COL20A1: variants seen among roughly 807,000 people sequenced by gnomAD.
COL20A1 encodes collagen alpha-1(XX) chain.
COL20A1 carries 164 observed loss-of-function variants against 152.9 expected under a neutral mutation model. That is an observed-to-expected ratio of 1.07 (90% confidence interval 0.94 to 1.22). The LOEUF (loss-of-function observed/expected upper bound fraction) is 1.22. COL20A1 is among the 50% of genes most tolerant of loss of function. The pLI, the probability that COL20A1 is intolerant of heterozygous loss-of-function variation, is 0.00. For missense variants in COL20A1, 1,873 were observed against 1,744.8 expected (o/e 1.07, Z -1.31); for synonymous variants, 864 against 756.0 (o/e 1.14, Z -2.34).
Position 63,326,035 on chromosome 20 carries a change from C to T in COL20A1, c.3403-61C>T, listed in dbSNP as rs368286205. ...GTTGGGTGCTGCTGGGGGGCTGTCA[C>T]CATGGGAGGGCTGGGTACAGGTACA... On this transcript the variant is annotated intron_variant, in intron 29 of 35. Coordinates refer to ENST00000358894, the MANE Select transcript of COL20A1 (RefSeq NM_020882.4). The T allele has an allele frequency of 8.4e-5, 123 of 1,467,322 alleles. No homozygotes were observed. In the African/African-American group the frequency reaches 1.6e-3, roughly 19 times the overall value. 90.9% of individuals were successfully genotyped at this position (1,467,322 alleles called of 1,614,324 possible).
chr20:63,314,441 G>A (rs1176321000), intron 19 of COL20A1, among the ~76,000 whole-genome samples: 2 of 152,144 alleles, frequency 1.3e-5, no homozygotes, highest in African/African-American at 4.8e-5. Context: ...GGTCTTCCAC[G>A]GTGGGAGCTG....
Position 63,309,798 on chromosome 20 carries a change from C to A in COL20A1, c.1146C>A (p.Ser382Arg), listed in dbSNP as rs769946191. 2 of 1,606,186 alleles carry A rather than the reference C, an allele frequency of 1.2e-6. No individual in the cohort carries two copies. Among genetic ancestry groups the A allele is most frequent in the Non-Finnish European group, 1.7e-6 (2 of 1,177,162 alleles). Residue 382 changes from serine (S) to arginine (R), a missense_variant, in exon 10 of 36, where the codon AGC becomes AGA. Physicochemically the swap from Ser to Arg is moderately radical, Grantham distance 110. Coordinates refer to ENST00000358894, the MANE Select transcript of COL20A1 (RefSeq NM_020882.4). ...PALDTLPAPT[S>R]LVLSQVTSSS... ...TGGACACCCTCCCTGCCCCCACCAGCCTGGTCCTGAGCCAGGTGACCTCCT... is the reference window on the plus strand; with the variant it reads ...TGGACACCCTCCCTGCCCCCACCAGACTGGTCCTGAGCCAGGTGACCTCCT...
chr20:63,318,742 C>T (rs1165330758), intron 21 of COL20A1, among the ~76,000 whole-genome samples: 1 of 152,144 alleles, frequency 6.6e-6, no homozygotes, highest in Non-Finnish European at 1.5e-5. Flanking sequence ...TCTGTTGAAT[C>T]CTCCTCATTC....
In COL20A1 at chr20:63,332,624, T is replaced by TG. The variant is rs2068346680; in HGVS notation, c.*1910dup. The TG allele has an allele frequency of 6.6e-6, 1 of 152,240 alleles. No individual in the cohort carries two copies. Among genetic ancestry groups the TG allele is most frequent in the South Asian group, 2.1e-4 (1 of 4,830 alleles). The allele number at this position is 152,240 out of a possible 1,614,324, so 9.4% of individuals were successfully genotyped here. On this transcript the variant is annotated 3_prime_UTR_variant, in exon 36 of 36. Coordinates refer to ENST00000358894, the MANE Select transcript of COL20A1 (RefSeq NM_020882.4). ...CATTGGCAGCCAGGAGGAGGCAGCCTGGCCGGGGGGAACCAGGGTGGCTCT... is the reference window on the plus strand; with the variant it reads ...CATTGGCAGCCAGGAGGAGGCAGCCTGGGCCGGGGGGAACCAGGGTGGCTCT...
rs546278892 is a variant in COL20A1, at chr20:63,313,421, C to T, written c.2209+172C>T. ...TCTGCAGCACTTCCTTGAGCTCACA[C>T]GGGTATAGGTGTTCCCCCAGTGGCC... On this transcript the variant is annotated intron_variant, in intron 17 of 35. Coordinates refer to ENST00000358894, the MANE Select transcript of COL20A1 (RefSeq NM_020882.4). This position sits in a 1 kb window ranked among gnomAD's most constrained non-coding sequence, Gnocchi z 5.9. Among the ~76,000 whole-genome samples, 2 of 152,320 alleles carry T rather than the reference C, an allele frequency of 1.3e-5. No individual in the cohort carries two copies. The highest frequency in any genetic ancestry group is 2.9e-5 in the Non-Finnish European group (2 of 68,024).
At chr20:63,323,562 C>T (rs1237021294) in intron 27 of COL20A1, among the ~76,000 whole-genome samples, 1 of 152,212 alleles carries the variant, frequency 6.6e-6, no homozygotes, top group Non-Finnish European at 1.5e-5. Flanking sequence ...AGGACTCCAG[C>T]TTCACCTCTT....
chr20:63,303,375 A>T (rs541045689), intron 3 of COL20A1, among the ~76,000 whole-genome samples: 9 of 152,290 alleles, frequency 5.9e-5, no homozygotes, highest in African/African-American at 1.7e-4. Flanking sequence ...TTTATATTAA[A>T]TGTCATAAAA....
rs764326086 is a variant in COL20A1 at position 63,313,210 on chromosome 20, G to A, written c.2170G>A (p.Gly724Arg). The change falls in exon 17 of 36, where the codon GGG (glycine) becomes AGG (arginine). Residue 724 changes from glycine (G) to arginine (R), a missense_variant. By Grantham distance (125) the Gly-to-Arg change is moderately radical. Transcript: ENST00000358894. This position sits in a 1 kb window ranked among gnomAD's most constrained non-coding sequence, Gnocchi z 5.9. ...DVTILAYYRD[G>R]ARSDPVSLRY... is the part of the protein sequence containing the mutation. ...CACCATCTTGGCCTACTACAGGGAC[G>A]GGGCCCGCAGTGACCCTGTGTCCCT... 8.7e-6 allele frequency: 14 copies of A among 1,612,414 alleles called. No individual in the cohort carries two copies. The highest frequency in any genetic ancestry group is 2.2e-5 in the South Asian group (2 of 91,054).
chr20:63,308,744 C>T (rs1359718881), intron 8 of COL20A1, 38 bp downstream of exon 8: 3 of 1,527,152 alleles, frequency 2.0e-6, no homozygotes, highest in Non-Finnish European at 1.8e-6. Context: ...TGGAGTCTCA[C>T]CGCCGGGTGG....
At position 63,319,225 on chromosome 20, in the gene COL20A1, C is replaced by A; in HGVS notation, c.2806+25C>A. ...GGTGACGTGGGCCCCGCGTCGCCCC[C>A]AGCAGTCAGGAGGAGTAGGGGCAGG... On this transcript the variant is annotated intron_variant, in intron 22 of 35. Transcript: ENST00000358894. This position sits in a 1 kb window ranked among gnomAD's most constrained non-coding sequence, Gnocchi z 4.4. 1 of 1,606,152 alleles carries A rather than the reference C, an allele frequency of 6.2e-7. No homozygotes were observed. Among genetic ancestry groups the A allele is most frequent in the South Asian group, 1.1e-5 (1 of 90,026 alleles).
rs559969504 is a variant in COL20A1, at chr20:63,327,909, A to G, written c.3529-43A>G. The G allele has an allele frequency of 1.9e-6, 3 of 1,563,720 alleles. No individual in the cohort carries two copies. In the South Asian group the frequency reaches 3.5e-5, roughly 18 times the overall value. On this transcript the variant is annotated intron_variant, in intron 31 of 35. Transcript: ENST00000358894. ...TCTCACACTTGTCACGTGTGGTCTCAGGCCATCTCTGCTGACTTCTTTTCT... is the reference window on the plus strand; with the variant it reads ...TCTCACACTTGTCACGTGTGGTCTCGGGCCATCTCTGCTGACTTCTTTTCT...
intron 19 of COL20A1, among the ~76,000 whole-genome samples, chr20:63,314,666 C>T (rs555229670): frequency 1.3e-5 from 2 of 152,246 alleles, no homozygotes; most frequent in South Asian, 4.1e-4. Context: ...GGGAGAGCTG[C>T]TCCTCCCATC....
At chr20:63,302,320 T>A (rs867196419) in intron 3 of COL20A1, among the ~76,000 whole-genome samples, 2 of 152,190 alleles carry the variant, frequency 1.3e-5, no homozygotes. Flanking sequence ...GCATGTCTTT[T>A]ATTAATTAAT....
chr20:63,323,137 C>T (rs2068191652), intron 27 of COL20A1, among the ~76,000 whole-genome samples: 1 of 152,268 alleles, frequency 6.6e-6, no homozygotes, highest in Non-Finnish European at 1.5e-5. Flanking sequence ...CTCTTCCAAG[C>T]AGCGTGAATG....
chr20:63,313,750 GAGC>G lies in COL20A1; in HGVS notation c.2220_2222del (p.Ser740del). ...ACCCATGCTCTCGGCCAGCCACGGT[GAGC>G]AGGAGCCCACCCTCCAACCTGGCCC... On this transcript the variant is annotated inframe_deletion, in exon 18 of 36. Transcript: ENST00000358894. The surrounding 1 kb of genome is among the most constrained non-coding windows in gnomAD (Gnocchi z 5.9). 6.3e-7 allele frequency: 1 copy of G among 1,593,688 alleles called. No homozygotes were observed. Among genetic ancestry groups the G allele is most frequent in the Non-Finnish European group, 8.5e-7 (1 of 1,171,766 alleles).
At chr20:63,294,040 G>C (rs968194089) in intron 1 of COL20A1, among the ~76,000 whole-genome samples, 7 of 139,444 alleles carry the variant, frequency 5.0e-5, no homozygotes, top group Non-Finnish European at 1.1e-4. Context: ...CCGGCCTGCC[G>C]GGAGTGCTCT....
Position 63,305,420 on chromosome 20 carries a change from A to G in COL20A1, c.197A>G (p.Asp66Gly). 2 of 1,529,826 alleles carry G rather than the reference A, an allele frequency of 1.3e-6. No individual in the cohort carries two copies. Among genetic ancestry groups the G allele is most frequent in the Non-Finnish European group, 1.8e-6 (2 of 1,142,308 alleles). 94.8% of individuals were successfully genotyped at this position (1,529,826 alleles called of 1,614,324 possible). Residue 66 changes from aspartate (D) to glycine (G), a missense_variant, in exon 4 of 36, where the codon GAC (aspartate) becomes GGC (glycine). Transcript: ENST00000358894. The surrounding 1 kb of genome is among the most constrained non-coding windows in gnomAD (Gnocchi z 4.9). Reference sequence around the variant, plus strand: ...AGCTCTCCCCACCCCTACCCAGGGGACTCGGAACAGGAGGTGATACTGACC... The same window carrying G: ...AGCTCTCCCCACCCCTACCCAGGGGGCTCGGAACAGGAGGTGATACTGACC... ...YLVQVKPMAGDSEQEVILTTK... is the reference protein window; with the variant it reads ...YLVQVKPMAGGSEQEVILTTK...
Position 63,311,039 on chromosome 20 carries a change from C to T in COL20A1, c.1394-355C>T, listed in dbSNP as rs899062017. 5.3e-5 allele frequency among the ~76,000 whole-genome samples: 8 copies of T among 152,040 alleles called. No individual in the cohort carries two copies. Among genetic ancestry groups the T allele is most frequent in the African/African-American group, 1.9e-4 (8 of 41,368 alleles). On this transcript the variant is annotated intron_variant, in intron 11 of 35. Coordinates refer to ENST00000358894, the MANE Select transcript of COL20A1 (RefSeq NM_020882.4). This position sits in a 1 kb window ranked among gnomAD's most constrained non-coding sequence, Gnocchi z 4.4. The stretch of plus-strand genomic sequence containing the variant: ...TAAGCACCCGCCCCCCCAGCCACCC[C>T]AAGCCACCTTCTGTCTCTGGATGTG...
At chr20:63,315,306 C>G in intron 19 of COL20A1, 98 bp from the exon 20 acceptor site, 1 of 1,192,160 alleles carries the variant, frequency 8.4e-7, no homozygotes, top group Non-Finnish European at 1.2e-6. Context: ...GGAGCACAGG[C>G]TGGGGCATCG....
Sources: gnomAD v4.1 joint callset for allele counts (sites outside exome capture counted in the v4.1 genomes callset) on GRCh38, gnomAD v4.1.1 for gene constraint, Gnocchi (gnomAD v3.1) non-coding constraint, MANE v1.5 for transcripts, NCBI Gene and HGNC (gene_info 2026-07-23, HGNC 2026-07-21) for gene names.